B3GALT1: variants seen among roughly 807,000 people sequenced by gnomAD.
The protein encoded by B3GALT1 is beta-1,3-galactosyltransferase 1.
Under a neutral mutation model 23.2 loss-of-function variants are expected in B3GALT1, and 10 were observed. That is an observed-to-expected ratio of 0.43 (90% CI 0.27 to 0.73). The LOEUF is 0.73. Ranked by LOEUF, B3GALT1 falls within the 30% of genes least tolerant of loss-of-function variation. The pLI is 0.21. For synonymous variants in B3GALT1, 156 were observed against 141.5 expected (o/e 1.10, Z -0.73); for missense variants, 299 against 405.4 (o/e 0.74, Z 2.25).
intron 3 of B3GALT1, among the ~76,000 whole-genome samples, chr2:167,775,308 C>A (rs1448020140): frequency 6.6e-6 from 1 of 152,120 alleles, no homozygotes; most frequent in Non-Finnish European, 1.5e-5. Context: ...TGGTATCTCA[C>A]GCCTGTAATC....
At chr2:167,403,179 C>G (rs557578689) in intron 1 of B3GALT1, among the ~76,000 whole-genome samples, 58 of 130,806 alleles carry the variant, frequency 4.4e-4, no homozygotes, top group Non-Finnish European at 7.6e-4. Flanking sequence ...CCCCTCCCCC[C>G]ACCCCACTAC....
rs191107204 is a variant in B3GALT1 at position 167,448,919 on chromosome 2, C to T, written c.-510-41258C>T. Among the ~76,000 whole-genome samples, 846 of 152,118 alleles carry T rather than the reference C, an allele frequency of 5.6e-3. 9 individuals are homozygous for T. The highest frequency in any genetic ancestry group is 0.02 in the African/African-American group (810 of 41,522). ...AGATCAGTTGGCTATAAGTGTTTGGCTTTATTTCTGGATTCCCTATTCCAT... is the reference window on the plus strand; with the variant it reads ...AGATCAGTTGGCTATAAGTGTTTGGTTTTATTTCTGGATTCCCTATTCCAT... On this transcript the variant is annotated intron_variant, in intron 1 of 4. Coordinates refer to ENST00000392690, the MANE Select transcript of B3GALT1 (RefSeq NM_020981.4).
rs1318507514 is a variant in B3GALT1 at position 167,352,274 on chromosome 2, T to G, written c.-511+58940T>G. 4.8e-3 allele frequency among the ~76,000 whole-genome samples: 30 copies of G among 6,304 alleles called. 1 individual carries two copies. In the South Asian group the frequency reaches 0.17, roughly 36 times the overall value. The allele number at this position is 6,304 out of a possible 152,430, so 4.1% of individuals were successfully genotyped here. On this transcript the variant is annotated intron_variant, in intron 1 of 4. Coordinates refer to ENST00000392690, the MANE Select transcript of B3GALT1 (RefSeq NM_020981.4). ...GAGCCACCATGCCTGGCCTGTTTTT[T>G]TTTTTGTTTTTTTTTTTTTAAGTCC...
At chr2:167,856,384 C>G (rs986148214) in intron 4 of B3GALT1, among the ~76,000 whole-genome samples, 5 of 152,090 alleles carry the variant, frequency 3.3e-5, no homozygotes, top group Admixed American at 6.6e-5. Context: ...GGTCTCTGAT[C>G]CACCTGCTGG....
In B3GALT1 at chr2:167,510,408, T is replaced by TTTTG. The variant is rs1491453778; in HGVS notation, c.-410+20134_-410+20135insGTTT. ...TATAAATTCATGATTGCAAGTTTTG[T>TTTTG]TTTTTTTTTTTTTTTTTTCCAGCCT... is the stretch of plus-strand genomic sequence containing the variant. On this transcript the variant is annotated intron_variant, in intron 2 of 4. Transcript: ENST00000392690. Among the ~76,000 whole-genome samples, 373 of 115,800 alleles carry TTTTG rather than the reference T, an allele frequency of 3.2e-3. 1 individual carries two copies. Among genetic ancestry groups the TTTTG allele is most frequent in the African/African-American group, 0.016 (360 of 23,060 alleles). 76.0% of individuals were successfully genotyped at this position (115,800 alleles called of 152,430 possible).
chr2:167,519,642 G>C (rs574774226), intron 2 of B3GALT1, among the ~76,000 whole-genome samples: 8 of 152,198 alleles, frequency 5.3e-5, no homozygotes, highest in African/African-American at 1.9e-4. Flanking sequence ...ATTTTTAACA[G>C]GAATAAGTAG....
At chr2:167,534,631 T>C (rs776666053) in intron 2 of B3GALT1, among the ~76,000 whole-genome samples, 28 of 152,178 alleles carry the variant, frequency 1.8e-4, no homozygotes, top group Non-Finnish European at 3.8e-4. Flanking sequence ...CCCAAGATAG[T>C]AGTTGAGCTG....
intron 3 of B3GALT1, among the ~76,000 whole-genome samples, chr2:167,812,475 T>C (rs928154041): frequency 1.3e-5 from 2 of 152,238 alleles, no homozygotes; most frequent in Non-Finnish European, 2.9e-5. Flanking sequence ...CCAAAATTCT[T>C]TGTGAAACAA....
rs1697048294 is a variant in B3GALT1 at position 167,335,646 on chromosome 2, C to G, written c.-511+42312C>G. Among the ~76,000 whole-genome samples, 3 of 152,176 alleles carry G rather than the reference C, an allele frequency of 2.0e-5. No individual in the cohort carries two copies. The South Asian group carries it at 6.2e-4, about 31-fold the overall frequency. ...CTGACATTGCCTTGGCATTTGTAAA[C>G]TGTCATGGTGCTGGTAGGAGTGTCT... On this transcript the variant is annotated intron_variant, in intron 1 of 4. Transcript: ENST00000392690.
chr2:167,689,097 A>G (rs1198377052), intron 3 of B3GALT1, among the ~76,000 whole-genome samples: 1 of 150,910 alleles, frequency 6.6e-6, no homozygotes, highest in Non-Finnish European at 1.5e-5. Flanking sequence ...AAACAAAATC[A>G]TCAAATAGAA....
chr2:167,825,899 T>A (rs1689212548), intron 4 of B3GALT1, among the ~76,000 whole-genome samples: 1 of 152,234 alleles, frequency 6.6e-6, no homozygotes, highest in Admixed American at 6.5e-5. Flanking sequence ...TTTTTCCTTT[T>A]AAATTAAATA....
intron 1 of B3GALT1, among the ~76,000 whole-genome samples, chr2:167,308,354 T>G (rs559949745): frequency 6.6e-6 from 1 of 152,152 alleles, no homozygotes; most frequent in South Asian, 2.1e-4. Flanking sequence ...AGATGTCAAC[T>G]GAGCAGGCCT....
chr2:167,487,077 A>G (rs1699638848), intron 1 of B3GALT1, among the ~76,000 whole-genome samples: 1 of 152,234 alleles, frequency 6.6e-6, no homozygotes, highest in South Asian at 2.1e-4. Context: ...TTTCTTTTGA[A>G]TTTATCACTA....
chr2:167,460,276 C>T (rs767120601), intron 1 of B3GALT1, among the ~76,000 whole-genome samples: 20 of 152,252 alleles, frequency 1.3e-4, no homozygotes, highest in African/African-American at 3.6e-4. Context: ...AGGTCTCTTA[C>T]GGTCTGTTCA....
chr2:167,488,324 T>G (rs1311566173), intron 1 of B3GALT1, among the ~76,000 whole-genome samples: 2 of 152,238 alleles, frequency 1.3e-5, no homozygotes, highest in African/African-American at 4.8e-5. Flanking sequence ...TTCTTTGTTT[T>G]TGTCTACTTT....
At chr2:167,840,088 C>A (rs1246166506) in intron 4 of B3GALT1, among the ~76,000 whole-genome samples, 10 of 152,284 alleles carry the variant, frequency 6.6e-5, no homozygotes, top group East Asian at 1.9e-4. Context: ...AGAAGAAAAC[C>A]TAGGCATTAC....
At chr2:167,840,239 G>A (rs1443522788) in intron 4 of B3GALT1, among the ~76,000 whole-genome samples, 2 of 152,038 alleles carry the variant, frequency 1.3e-5, no homozygotes, top group Non-Finnish European at 1.5e-5. Flanking sequence ...AGAGTGAACA[G>A]GCAACCCACA....
chr2:167,713,888 A>T, intron 3 of B3GALT1: 1 of 1,584,964 alleles, frequency 6.3e-7, no homozygotes, highest in Non-Finnish European at 8.7e-7. Flanking sequence ...AGCTCCAAAC[A>T]TGGTTCCTGG....
chr2:167,424,800 A>C (rs1300624592), intron 1 of B3GALT1, among the ~76,000 whole-genome samples: 1 of 152,230 alleles, frequency 6.6e-6, no homozygotes, highest in Non-Finnish European at 1.5e-5. Flanking sequence ...CAATCATAGA[A>C]GACTTACATA....
Sources: gnomAD v4.1 joint callset for allele counts (sites outside exome capture counted in the v4.1 genomes callset) on GRCh38, gnomAD v4.1.1 for gene constraint, MANE v1.5 for transcripts, NCBI Gene and HGNC (gene_info 2026-07-23, HGNC 2026-07-21) for gene names.